COL6A6: variants seen among roughly 807,000 people sequenced by gnomAD.
COL6A6 encodes collagen type VI alpha 6 chain, also known as collagen alpha-6(VI) chain.
Under a neutral mutation model 208.6 loss-of-function variants are expected in COL6A6, and 183 were observed. The observed-to-expected ratio is 0.88, with a 90% CI of 0.78 to 0.99. The LOEUF is 0.99. Ranked by LOEUF, COL6A6 falls within the 50% of genes least tolerant of loss-of-function variation. The probability of loss-of-function intolerance (pLI) is 0.00; values close to 1 mark genes in which losing one functional copy is unlikely to be tolerated. For missense variants in COL6A6, 2,816 were observed against 2,815.2 expected (o/e 1.00, Z -0.01); for synonymous variants, 973 against 1,011.8 (o/e 0.96, Z 0.73).
chr3:130,616,552 GAAAAA>G (rs35307177), intron 23 of COL6A6, among the ~76,000 whole-genome samples: 1 of 120,802 alleles, frequency 8.3e-6, no homozygotes, highest in Admixed American at 8.7e-5. Context: ...ATCAATGCCT[GAAAAA>G]AAAAAAAAAA....
chr3:130,557,772 GAGACTCCGCGTTCTTAATAGCCCCAAGA>G (rs1355717504), intron 1 of COL6A6, among the ~76,000 whole-genome samples: 1 of 152,158 alleles, frequency 6.6e-6, no homozygotes, highest in Non-Finnish European at 1.5e-5. Context: ...AAGTTTCTCT[GAGACTCCGCGTTCTTAATAGCCCCAAGA>G]GGTGTTGTAC....
intron 12 of COL6A6, among the ~76,000 whole-genome samples, chr3:130,589,611 C>G (rs930163681): frequency 6.6e-5 from 10 of 152,186 alleles, no homozygotes; most frequent in African/African-American, 1.9e-4. Flanking sequence ...TCAGATCACT[C>G]TCTTATAGCA....
intron 1 of COL6A6, among the ~76,000 whole-genome samples, chr3:130,557,993 A>C (rs1248180757): frequency 6.6e-6 from 1 of 152,236 alleles, no homozygotes; most frequent in Non-Finnish European, 1.5e-5. Context: ...AATGCAAAAC[A>C]TATTCAGATT....
intron 1 of COL6A6, among the ~76,000 whole-genome samples, chr3:130,536,647 C>T (rs2062232173): frequency 6.6e-6 from 1 of 152,134 alleles, no homozygotes; most frequent in South Asian, 2.1e-4. Context: ...TGTGAAGGCC[C>T]TCAGGTAGAA....
intron 33 of COL6A6, among the ~76,000 whole-genome samples, chr3:130,654,225 C>A (rs534277722): frequency 2.0e-5 from 3 of 152,214 alleles, no homozygotes; most frequent in Non-Finnish European, 4.4e-5. Context: ...TTCTGAGGCT[C>A]ACTTGGCTCA....
chr3:130,593,386 A>G (rs1424958145), intron 17 of COL6A6, 134 bp downstream of exon 17: 2 of 710,248 alleles, frequency 2.8e-6, no homozygotes, highest in Non-Finnish European at 4.9e-6. Flanking sequence ...ACATACAACG[A>G]TGAACATTTA....
At chr3:130,627,119 C>A (rs969847808) in intron 25 of COL6A6, among the ~76,000 whole-genome samples, 200 bp from the exon 26 acceptor site, 4 of 152,148 alleles carry the variant, frequency 2.6e-5, no homozygotes, top group Admixed American at 2.0e-4. Context: ...TACCTAGGGA[C>A]AGTGCATTGT....
intron 32 of COL6A6, among the ~76,000 whole-genome samples, chr3:130,645,266 T>C (rs2065433834): frequency 6.6e-6 from 1 of 152,172 alleles, no homozygotes; most frequent in African/African-American, 2.4e-5. Context: ...ATGACTAACA[T>C]CACCATTCAC....
Position 130,577,073 on chromosome 3 carries a change from A to G in COL6A6, c.3547+2548A>G, listed in dbSNP as rs538327725. 1.4e-4 allele frequency among the ~76,000 whole-genome samples: 22 copies of G among 152,328 alleles called. No homozygotes were observed. In the East Asian group the frequency reaches 4.2e-3, roughly 29 times the overall value. On this transcript the variant is annotated intron_variant, in intron 8 of 36. Coordinates refer to ENST00000358511, the MANE Select transcript of COL6A6 (RefSeq NM_001102608.3). ...GGGAGGTCAGACGCATGGAGGTATG[A>G]TGGAGGTGACTAAGAATCATTATTT...
chr3:130,595,186 AG>A (rs1467573736), intron 18 of COL6A6, among the ~76,000 whole-genome samples: 30 of 152,156 alleles, frequency 2.0e-4, no homozygotes, highest in African/African-American at 6.3e-4. Context: ...CCCATGTTAA[AG>A]AAAAAAAAAA....
intron 36 of COL6A6, among the ~76,000 whole-genome samples, chr3:130,665,596 G>T (rs1001933934): frequency 6.6e-6 from 1 of 152,184 alleles, no homozygotes. Context: ...TTGAACGTTA[G>T]AAAGTATAAA....
chr3:130,650,404 C>T (rs1386431959), intron 33 of COL6A6, among the ~76,000 whole-genome samples: 3 of 152,100 alleles, frequency 2.0e-5, no homozygotes, highest in Non-Finnish European at 4.4e-5. Flanking sequence ...GGGTGGATCA[C>T]AAGGTCAGGA....
chr3:130,665,206 A>G (rs1310193581), intron 36 of COL6A6, 110 bp downstream of exon 36: 1 of 641,254 alleles, frequency 1.6e-6, no homozygotes, highest in African/African-American at 1.9e-5. Flanking sequence ...ATTTGGACAA[A>G]AATCTATTGC....
intron 1 of COL6A6, among the ~76,000 whole-genome samples, chr3:130,556,883 G>A (rs1195287252): frequency 6.6e-6 from 1 of 152,202 alleles, no homozygotes; most frequent in Admixed American, 6.5e-5. Flanking sequence ...CCTGCCATAG[G>A]TGGTCATCTG....
At chr3:130,576,570 A>G (rs1453136303) in intron 8 of COL6A6, among the ~76,000 whole-genome samples, 2 of 152,212 alleles carry the variant, frequency 1.3e-5, no homozygotes, top group African/African-American at 4.8e-5. Flanking sequence ...TCCAGTTTCT[A>G]TCTGAGTGTG....
At chr3:130,554,876 G>A (rs1472889660) in intron 1 of COL6A6, among the ~76,000 whole-genome samples, 1 of 152,144 alleles carries the variant, frequency 6.6e-6, no homozygotes, top group Non-Finnish European at 1.5e-5. Flanking sequence ...GGAGCACTCT[G>A]AGGGTCAGGC....
chr3:130,541,804 ATAT>A (rs1274499406), intron 1 of COL6A6, among the ~76,000 whole-genome samples: 1 of 152,200 alleles, frequency 6.6e-6, no homozygotes, highest in Non-Finnish European at 1.5e-5. Flanking sequence ...CATGGGTTGG[ATAT>A]TTTCTGTTTT....
chr3:130,667,518 C>T (rs939443000), intron 36 of COL6A6, among the ~76,000 whole-genome samples: 1 of 152,102 alleles, frequency 6.6e-6, no homozygotes, highest in African/African-American at 2.4e-5. Flanking sequence ...GGATTACAGG[C>T]GTGAGCCACC....
At chr3:130,592,003 G>A (rs148560731) in intron 13 of COL6A6, among the ~76,000 whole-genome samples, 1 of 152,184 alleles carries the variant, frequency 6.6e-6, no homozygotes, top group Non-Finnish European at 1.5e-5. Flanking sequence ...ATGGAACCCA[G>A]GTCACTGCAG....
Sources: gnomAD v4.1 joint callset for allele counts (sites outside exome capture counted in the v4.1 genomes callset) on GRCh38, gnomAD v4.1.1 for gene constraint, MANE v1.5 for transcripts, NCBI Gene and HGNC (gene_info 2026-07-23, HGNC 2026-07-21) for gene names.